Variants in LDHAL6A observed in about 807,000 individuals in gnomAD.
LDHAL6A encodes the protein lactate dehydrogenase A like 6A.
LDHAL6A carries 19 observed loss-of-function variants against 28.2 expected under a neutral mutation model. The observed-to-expected ratio is 0.67, with a 90% CI of 0.47 to 0.99. The LOEUF (loss-of-function observed/expected upper bound fraction) is 0.99, where lower values mean the gene tolerates loss of function less well. Among genes scored for constraint, LDHAL6A ranks in the 50% least tolerant of loss-of-function variants. The pLI, the probability that LDHAL6A is intolerant of heterozygous loss-of-function variation, is 0.00. For synonymous variants in LDHAL6A, 144 were observed against 134.4 expected (o/e 1.07, Z -0.49); for missense variants, 372 against 398.6 (o/e 0.93, Z 0.57).
chr11:18,477,698 T>A lies in LDHAL6A; in HGVS notation c.789T>A (p.Ile263=), dbSNP rs1288081382. 1 of 1,613,478 alleles carries A rather than the reference T, an allele frequency of 6.2e-7. No individual in the cohort carries two copies. ...CTGTAGCTGATTTAACAGAAAGTATTTTGAAGAATCTTAGGAGAGTGCATC... is the reference window on the plus strand; with the variant it reads ...CTGTAGCTGATTTAACAGAAAGTATATTGAAGAATCTTAGGAGAGTGCATC... ...SLSVADLTES[I]LKNLRRVHPV... The change falls in exon 6 of 7, where the codon ATT becomes ATA. Residue 263 remains isoleucine (I), a synonymous_variant. Transcript: ENST00000280706.
Position 18,465,618 on chromosome 11 carries a change from T to G in LDHAL6A, c.245-19T>G. On this transcript the variant is annotated intron_variant, in intron 2 of 6. Transcript: ENST00000280706. ...ATGTTTTCTTTCATAATCGATTGTT[T>G]ATTCTAATCTTTCCTCAGATTACCT... is the stretch of plus-strand genomic sequence containing the variant. The G allele has an allele frequency of 1.3e-6, 2 of 1,599,600 alleles. No individual in the cohort carries two copies. Among genetic ancestry groups the G allele is most frequent in the South Asian group, 1.1e-5 (1 of 89,584 alleles).
chr11:18,471,782 A>ATT (rs137921356), intron 3 of LDHAL6A, among the ~76,000 whole-genome samples: 1 of 145,806 alleles, frequency 6.9e-6, no homozygotes, highest in African/African-American at 2.5e-5. Flanking sequence ...AAAAAAAAAA[A>ATT]TTTTTTCCAA....
At chr11:18,461,500 TTTA>T (rs1381021814) in intron 1 of LDHAL6A, among the ~76,000 whole-genome samples, 1 of 152,090 alleles carries the variant, frequency 6.6e-6, no homozygotes, top group East Asian at 1.9e-4. Context: ...CAAGGAAAAA[TTTA>T]TTATGTAATA....
intron 2 of LDHAL6A, among the ~76,000 whole-genome samples, chr11:18,464,989 TTTGTTTTG>T (rs1229504500): frequency 2.8e-4 from 39 of 137,642 alleles, no homozygotes; most frequent in Admixed American, 1.3e-3. Flanking sequence ...TTTTTTTTGT[TTTGTTTTG>T]TTTTGGTTTG....
chr11:18,470,328 G>A (rs1206205752), intron 3 of LDHAL6A, among the ~76,000 whole-genome samples: 2 of 152,204 alleles, frequency 1.3e-5, no homozygotes, highest in Non-Finnish European at 2.9e-5. Context: ...TCCCATGCAG[G>A]ACTGCCTTCA....
At chr11:18,470,863 T>A (rs1849240371) in intron 3 of LDHAL6A, among the ~76,000 whole-genome samples, 1 of 151,954 alleles carries the variant, frequency 6.6e-6, no homozygotes, top group Admixed American at 6.6e-5. Context: ...ATTTTTGTAT[T>A]TTTAGTAGAG....
intron 3 of LDHAL6A, among the ~76,000 whole-genome samples, chr11:18,467,929 A>ATATATACG (rs1267884677): frequency 1.3e-5 from 1 of 79,888 alleles, no homozygotes; most frequent in African/African-American, 5.1e-5. Flanking sequence ...ACACACACAT[A>ATATATACG]TATATATACA....
At chr11:18,467,001 T>G (rs1260658955) in intron 3 of LDHAL6A, among the ~76,000 whole-genome samples, 1 of 152,104 alleles carries the variant, frequency 6.6e-6, no homozygotes, top group Non-Finnish European at 1.5e-5. Flanking sequence ...AATTTACTGA[T>G]CGGGTGGGAG....
chr11:18,465,927 A>G, intron 3 of LDHAL6A, 117 bp downstream of exon 3: 1 of 780,790 alleles, frequency 1.3e-6, no homozygotes, highest in Non-Finnish European at 2.1e-6. Context: ...CCTGCCACCC[A>G]GGTACTGAGC....
intron 1 of LDHAL6A, among the ~76,000 whole-genome samples, chr11:18,461,319 A>AT (rs1349610846): frequency 6.8e-6 from 1 of 147,732 alleles, no homozygotes; most frequent in African/African-American, 2.5e-5. Flanking sequence ...TAATTTTTGT[A>AT]TTTTTAGTAG....
chr11:18,476,300 A>G lies in LDHAL6A; in HGVS notation c.593-84A>G. ...TTCCTAGTTGGAAATCACTCAGGGC[A>G]ATTATAACAGTTTTGCTGAGGTCAA... On this transcript the variant is annotated intron_variant, in intron 4 of 6. Coordinates refer to ENST00000280706, the MANE Select transcript of LDHAL6A (RefSeq NM_144972.5). 1.1e-5 allele frequency: 17 copies of G among 1,482,106 alleles called. No homozygotes were observed. In the South Asian group the frequency reaches 2.2e-4, roughly 20 times the overall value. 91.8% of individuals were successfully genotyped at this position (1,482,106 alleles called of 1,614,324 possible). A position where few individuals can be genotyped will look rare whatever the true frequency, so the allele number is the denominator to read the frequency against.
chr11:18,467,731 A>T (rs924372821), intron 3 of LDHAL6A, among the ~76,000 whole-genome samples: 17 of 150,374 alleles, frequency 1.1e-4, no homozygotes, highest in Non-Finnish European at 2.5e-4. Flanking sequence ...GGTGGTGCAC[A>T]CCTGTAATCC....
At chr11:18,462,470 T>G (rs1285273231) in intron 1 of LDHAL6A, among the ~76,000 whole-genome samples, 1 of 151,608 alleles carries the variant, frequency 6.6e-6, no homozygotes, top group Non-Finnish European at 1.5e-5. Flanking sequence ...ACCCCGTCTC[T>G]ACTAAAAATA....
At chr11:18,474,714 T>A (rs1481315632) in intron 3 of LDHAL6A, among the ~76,000 whole-genome samples, 1 of 152,066 alleles carries the variant, frequency 6.6e-6, no homozygotes, top group Non-Finnish European at 1.5e-5. Flanking sequence ...AAAATATATT[T>A]TTTAGGCTGG....
At chr11:18,459,261 C>T (rs1292709951) in intron 1 of LDHAL6A, among the ~76,000 whole-genome samples, 2 of 152,168 alleles carry the variant, frequency 1.3e-5, no homozygotes, top group Non-Finnish European at 2.9e-5. Context: ...GGCAGAGGAA[C>T]GTGGAAGGAC....
intron 6 of LDHAL6A, among the ~76,000 whole-genome samples, chr11:18,478,183 T>C (rs920692272): frequency 2.6e-5 from 4 of 152,134 alleles, no homozygotes; most frequent in African/African-American, 9.7e-5. Context: ...GAGATCCCTC[T>C]GCTAGTCTAA....
intron 3 of LDHAL6A, among the ~76,000 whole-genome samples, chr11:18,467,390 C>T (rs1260503066): frequency 6.6e-6 from 1 of 152,096 alleles, no homozygotes; most frequent in Admixed American, 6.6e-5. Flanking sequence ...ACCATTTACA[C>T]TTTTTATGGT....
chr11:18,459,485 C>T (rs1203639670), intron 1 of LDHAL6A, among the ~76,000 whole-genome samples: 4 of 152,154 alleles, frequency 2.6e-5, no homozygotes, highest in Non-Finnish European at 5.9e-5. Flanking sequence ...CCTTGCTCCT[C>T]GGCTTGCAAA....
chr11:18,459,494 A>C (rs898807075), intron 1 of LDHAL6A, among the ~76,000 whole-genome samples: 2 of 152,110 alleles, frequency 1.3e-5, no homozygotes, highest in Admixed American at 6.6e-5. Context: ...TCGGCTTGCA[A>C]ATGGCCTGTT....
Sources: gnomAD v4.1 joint callset for allele counts (sites outside exome capture counted in the v4.1 genomes callset) on GRCh38, gnomAD v4.1.1 for gene constraint, MANE v1.5 for transcripts, NCBI Gene and HGNC (gene_info 2026-07-23, HGNC 2026-07-21) for gene names.